PREX2: variants seen among roughly 807,000 people sequenced by gnomAD.
PREX2 encodes the protein phosphatidylinositol-3,4,5-trisphosphate dependent Rac exchange factor 2.
Under a neutral mutation model 203.2 loss-of-function variants are expected in PREX2, and 107 were observed. That is an observed-to-expected ratio of 0.53 (90% CI 0.45 to 0.62). The LOEUF is 0.62. Among genes scored for constraint, PREX2 ranks in the 20% least tolerant of loss-of-function variants. The pLI, the probability that PREX2 is intolerant of heterozygous loss-of-function variation, is 0.00. For missense variants in PREX2, 1,777 were observed against 1,955.9 expected (o/e 0.91, Z 1.72); for synonymous variants, 672 against 663.6 (o/e 1.01, Z -0.19).
At chr8:68,209,777 T>C (rs964398235) in intron 37 of PREX2, among the ~76,000 whole-genome samples, 21 of 152,198 alleles carry the variant, frequency 1.4e-4, no homozygotes, top group African/African-American at 4.8e-4. Flanking sequence ...TCGATAAGAA[T>C]GCAAGTGAAT....
intron 34 of PREX2, among the ~76,000 whole-genome samples, chr8:68,152,778 C>T (rs531225116): frequency 2.0e-5 from 3 of 152,284 alleles, no homozygotes; most frequent in Admixed American, 6.5e-5. Context: ...CAGCCACTAC[C>T]AATGGCGAGG....
At chr8:68,121,176 T>A in intron 30 of PREX2, 127 bp downstream of exon 30, 1 of 976,190 alleles carries the variant, frequency 1.0e-6, no homozygotes, top group Non-Finnish European at 1.6e-6. Flanking sequence ...AAAATAAAAG[T>A]ACTGAAAATG....
At chr8:68,228,944 T>TAAAA (rs58993264) in intron 39 of PREX2, among the ~76,000 whole-genome samples, 4 of 103,502 alleles carry the variant, frequency 3.9e-5, no homozygotes, top group African/African-American at 1.2e-4. Flanking sequence ...CTTGTCTCTT[T>TAAAA]AAAAAAAAAA....
chr8:68,153,494 A>G (rs1287387049), intron 34 of PREX2, among the ~76,000 whole-genome samples: 2 of 152,216 alleles, frequency 1.3e-5, no homozygotes, highest in African/African-American at 2.4e-5. Flanking sequence ...GTAGAAGTAA[A>G]TAAACTAAAT....
chr8:68,051,815 C>T (rs143416873), intron 8 of PREX2, among the ~76,000 whole-genome samples: 1 of 152,156 alleles, frequency 6.6e-6, no homozygotes, highest in Admixed American at 6.5e-5. Context: ...TATCAGAAGT[C>T]ATTTTTGATT....
Position 68,217,616 on chromosome 8 carries a change from G to A in PREX2, c.4605G>A (p.Arg1535=), listed in dbSNP as rs561341638. 3.1e-6 allele frequency: 5 copies of A among 1,613,848 alleles called. No homozygotes were observed. The highest frequency in any genetic ancestry group is 2.7e-5 in the African/African-American group (2 of 75,040). Residue 1535 remains arginine (R), a splice_region_variant and synonymous_variant, in exon 38 of 40, where the codon CGG becomes CGA. Transcript: ENST00000288368. ...GACTTGCCCTTGCCTTGGCCCACAGGTGCACCCTGAGCGTGACGCTGGAGC... is the reference window on the plus strand; with the variant it reads ...GACTTGCCCTTGCCTTGGCCCACAGATGCACCCTGAGCGTGACGCTGGAGC... ...HIIMCSSGVH[R]CTLSVTLEQA... is the part of the protein sequence containing the mutation.
intron 33 of PREX2, among the ~76,000 whole-genome samples, chr8:68,145,104 AG>A (rs1264673167): frequency 6.6e-6 from 1 of 152,142 alleles, no homozygotes; most frequent in African/African-American, 2.4e-5. Context: ...TAGTTCTTTT[AG>A]TCTTTATTTT....
chr8:68,190,349 A>G (rs770021987), intron 35 of PREX2, among the ~76,000 whole-genome samples: 9 of 152,176 alleles, frequency 5.9e-5, no homozygotes, highest in Non-Finnish European at 1.0e-4. Context: ...ATTTGAATGT[A>G]TTTAATGCCA....
intron 21 of PREX2, among the ~76,000 whole-genome samples, chr8:68,094,688 A>G (rs986411464): frequency 3.3e-5 from 5 of 152,204 alleles, no homozygotes; most frequent in Non-Finnish European, 7.3e-5. Flanking sequence ...AGGTGTTTTC[A>G]TTCAAAACCC....
Position 68,134,025 on chromosome 8 carries a change from T to C in PREX2, c.3767-34T>C, listed in dbSNP as rs1354028533. On this transcript the variant is annotated intron_variant, in intron 31 of 39. Coordinates refer to ENST00000288368, the MANE Select transcript of PREX2 (RefSeq NM_024870.4). ...TTGGTTTTCACCATCTGCAACATTT[T>C]TCGAAGCATTCTCTATGTTCTCTTT... 2.6e-6 allele frequency: 4 copies of C among 1,566,916 alleles called. No homozygotes were observed. In the Admixed American group the frequency reaches 5.0e-5, roughly 20 times the overall value.
At chr8:68,069,535 G>C in intron 12 of PREX2, among the ~76,000 whole-genome samples, 1 of 69,992 alleles carries the variant, frequency 1.4e-5, no homozygotes, top group Admixed American at 1.3e-4. Flanking sequence ...TACTGTATTG[G>C]TATATTTTGT....
intron 30 of PREX2, 122 bp downstream of exon 30, chr8:68,121,171 A>G (rs1810766318): frequency 2.0e-6 from 2 of 991,276 alleles, no homozygotes; most frequent in Non-Finnish European, 1.5e-6. Context: ...TGAAGAAAAT[A>G]AAAGTACTGA....
At chr8:68,198,924 G>T (rs529861618) in intron 37 of PREX2, among the ~76,000 whole-genome samples, 4 of 152,222 alleles carry the variant, frequency 2.6e-5, no homozygotes, top group Non-Finnish European at 5.9e-5. Context: ...GGTGACTTGA[G>T]TGCAGGCCTC....
Position 68,235,104 on chromosome 8 carries a change from C to A in PREX2, c.*3726C>A, listed in dbSNP as rs1041656673. 6.6e-6 allele frequency: 1 copy of A among 152,016 alleles called. No homozygotes were observed. Among genetic ancestry groups the A allele is most frequent in the Non-Finnish European group, 1.5e-5 (1 of 67,978 alleles). The allele number at this position is 152,016 out of a possible 1,614,324, so 9.4% of individuals were successfully genotyped here. On this transcript the variant is annotated 3_prime_UTR_variant, in exon 40 of 40. Transcript: ENST00000288368. ...ATGACTCTGTGTTTTGAAACTAATA[C>A]CTTTGCATTTAAAATACTGAAGTAT...
At chr8:68,184,175 G>A (rs558977792) in intron 35 of PREX2, among the ~76,000 whole-genome samples, 17 of 152,230 alleles carry the variant, frequency 1.1e-4, no homozygotes, top group East Asian at 1.9e-4. Context: ...ACTCATCGTC[G>A]TGTATTCTTT....
intron 35 of PREX2, among the ~76,000 whole-genome samples, chr8:68,182,200 C>T (rs1365616867): frequency 6.6e-6 from 1 of 152,136 alleles, no homozygotes; most frequent in Non-Finnish European, 1.5e-5. Context: ...CACTTAAAAT[C>T]TCAGTATAAT....
chr8:67,961,568 G>A (rs1805633459), intron 1 of PREX2, among the ~76,000 whole-genome samples: 2 of 152,040 alleles, frequency 1.3e-5, no homozygotes, highest in Non-Finnish European at 2.9e-5. Flanking sequence ...TAAAAGTGTG[G>A]CTGGGTCACT....
chr8:68,044,407 G>C (rs1333733462), intron 7 of PREX2, 80 bp from the exon 8 acceptor site: 1 of 974,668 alleles, frequency 1.0e-6, no homozygotes, highest in Middle Eastern at 2.2e-4. Context: ...TTTTTTCAAA[G>C]AATTGCCTAA....
chr8:68,095,246 A>C (rs1489460288), intron 21 of PREX2, among the ~76,000 whole-genome samples: 1 of 151,198 alleles, frequency 6.6e-6, no homozygotes, highest in Non-Finnish European at 1.5e-5. Flanking sequence ...CTAAACTTGA[A>C]CTCTAGCCTC....
Sources: allele counts gnomAD v4.1 joint callset (sites outside exome capture counted in the v4.1 genomes callset), GRCh38; gene constraint gnomAD v4.1.1; transcripts MANE v1.5; gene names NCBI Gene and HGNC (gene_info 2026-07-23, HGNC 2026-07-21).